Variants in FAM120A observed in about 807,000 individuals in gnomAD.
FAM120A encodes the protein family with sequence similarity 120 member A, also known as constitutive coactivator of PPAR-gamma-like protein 1.
FAM120A carries 15 observed loss-of-function variants against 109.7 expected under a neutral mutation model. The observed-to-expected ratio is 0.14, with a 90% CI of 0.09 to 0.21. FAM120A has a LOEUF of 0.21. FAM120A is among the 10% of genes least tolerant of loss of function. FAM120A has a pLI of 1.00. For synonymous variants in FAM120A, 493 were observed against 572.8 expected (o/e 0.86, Z 1.99); for missense variants, 899 against 1,439.3 (o/e 0.62, Z 6.07).
At chr9:93,552,290 T>C (rs1173659741) in intron 12 of FAM120A, among the ~76,000 whole-genome samples, 1 of 152,200 alleles carries the variant, frequency 6.6e-6, no homozygotes, top group Non-Finnish European at 1.5e-5. Flanking sequence ...ACTCTAAGCT[T>C]TCATTTTGGT....
chr9:93,459,103 A>G lies in FAM120A; in HGVS notation c.474+6714A>G, dbSNP rs1190034656. On this transcript the variant is annotated intron_variant, in intron 1 of 17. Transcript: ENST00000277165. ...TACTTACACTTCAAAGCCCATGTCA[A>G]ATGCCAGCCTTCTTCATGGAATCTC... Among the ~76,000 whole-genome samples, 4 of 152,200 alleles carry G rather than the reference A, an allele frequency of 2.6e-5. No individual in the cohort carries two copies. The East Asian group carries it at 5.8e-4, about 22-fold the overall frequency.
At position 93,550,571 on chromosome 9, in the gene FAM120A, C is replaced by T. The variant is rs777010449; in HGVS notation, c.2160-6C>T. On this transcript the variant is annotated splice_polypyrimidine_tract_variant and splice_region_variant and intron_variant, in intron 11 of 17. Coordinates refer to ENST00000277165, the MANE Select transcript of FAM120A (RefSeq NM_014612.5). ...TCACCAACCTTTTGTTTCTGCCCCTCACCAGGTACATGGTGCAGTGGCCGG... is the reference window on the plus strand; with the variant it reads ...TCACCAACCTTTTGTTTCTGCCCCTTACCAGGTACATGGTGCAGTGGCCGG... 6.2e-7 allele frequency: 1 copy of T among 1,611,772 alleles called. No homozygotes were observed. Among genetic ancestry groups the T allele is most frequent in the Non-Finnish European group, 8.5e-7 (1 of 1,178,474 alleles).
At chr9:93,549,156 T>C (rs1471295308) in intron 11 of FAM120A, among the ~76,000 whole-genome samples, 1 of 152,216 alleles carries the variant, frequency 6.6e-6, no homozygotes, top group Non-Finnish European at 1.5e-5. Context: ...TCATTGCAAA[T>C]ATTGATGGTT....
intron 5 of FAM120A, among the ~76,000 whole-genome samples, chr9:93,511,056 A>G (rs1400972625): frequency 1.3e-5 from 2 of 151,564 alleles, no homozygotes; most frequent in South Asian, 2.1e-4. Flanking sequence ...AACCCTTTTC[A>G]TTGTTGAACT....
chr9:93,509,376 T>C (rs1030073904), intron 5 of FAM120A, among the ~76,000 whole-genome samples: 3 of 152,238 alleles, frequency 2.0e-5, no homozygotes, highest in Non-Finnish European at 4.4e-5. Flanking sequence ...GCCTGGGGGC[T>C]ATGAGCCGTA....
chr9:93,563,363 A>C (rs1416913768), intron 17 of FAM120A, among the ~76,000 whole-genome samples: 1 of 152,266 alleles, frequency 6.6e-6, no homozygotes, highest in East Asian at 1.9e-4. Context: ...AGTCTATGAC[A>C]GTGGCTCTCA....
chr9:93,452,943 C>T lies in FAM120A; in HGVS notation c.474+554C>T, dbSNP rs1366111077. 7.2e-7 allele frequency: 1 copy of T among 1,397,652 alleles called. No individual in the cohort carries two copies. The highest frequency in any genetic ancestry group is 9.2e-7 in the Non-Finnish European group (1 of 1,081,190). The allele number at this position is 1,397,652 out of a possible 1,614,324, so 86.6% of individuals were successfully genotyped here. A position where few individuals can be genotyped will look rare whatever the true frequency, so the allele number is the denominator to read the frequency against. ...CGAGACGTGTCTAAGGGCCAGTGCC[C>T]TGGCCTCTACTTCAGAACGCAGTGC... On this transcript the variant is annotated intron_variant, in intron 1 of 17. Transcript: ENST00000277165. The surrounding 1 kb of genome is among the most constrained non-coding windows in gnomAD (Gnocchi z 7.0).
chr9:93,457,816 T>A (rs1857617370), intron 1 of FAM120A, among the ~76,000 whole-genome samples: 1 of 148,778 alleles, frequency 6.7e-6, no homozygotes, highest in African/African-American at 2.4e-5. Flanking sequence ...TTTTTTTTTT[T>A]ACTTTAAAAT....
chr9:93,477,906 T>G (rs1488891235), intron 3 of FAM120A, among the ~76,000 whole-genome samples: 1 of 152,228 alleles, frequency 6.6e-6, no homozygotes, highest in African/African-American at 2.4e-5. Context: ...AGTATTGAAA[T>G]GTGGAAAGAA....
intron 3 of FAM120A, among the ~76,000 whole-genome samples, chr9:93,488,276 C>A (rs1859155493): frequency 6.6e-6 from 1 of 152,170 alleles, no homozygotes; most frequent in African/African-American, 2.4e-5. Flanking sequence ...CGCTTAACTT[C>A]CTTCTCTTTA....
At chr9:93,454,241 C>T (rs370349632) in intron 1 of FAM120A, among the ~76,000 whole-genome samples, 1 of 152,222 alleles carries the variant, frequency 6.6e-6, no homozygotes, top group Non-Finnish European at 1.5e-5. Context: ...TAATTATTGA[C>T]CTAGGGTCAT....
chr9:93,556,094 C>T (rs1564360552), intron 12 of FAM120A, among the ~76,000 whole-genome samples: 1 of 152,198 alleles, frequency 6.6e-6, no homozygotes, highest in Non-Finnish European at 1.5e-5. Context: ...CACACGTCAG[C>T]CTTAAGTACA....
At chr9:93,485,681 A>G (rs919916404) in intron 3 of FAM120A, among the ~76,000 whole-genome samples, 2 of 152,146 alleles carry the variant, frequency 1.3e-5, no homozygotes, top group South Asian at 4.1e-4. Context: ...TCTCTTGCTC[A>G]CAGGCCTTGT....
At chr9:93,545,576 T>C (rs115804935) in intron 11 of FAM120A, among the ~76,000 whole-genome samples, 3,607 of 152,220 alleles carry the variant, frequency 0.024, 152 homozygotes, top group African/African-American at 0.082. Flanking sequence ...TGACCATCCC[T>C]CCCACTGGGT....
intron 5 of FAM120A, among the ~76,000 whole-genome samples, chr9:93,504,186 G>A (rs1859932028): frequency 6.6e-6 from 1 of 152,114 alleles, no homozygotes; most frequent in Non-Finnish European, 1.5e-5. Context: ...TGAGTTAGGA[G>A]GACATAGTGA....
At chr9:93,481,497 T>G (rs148720713) in intron 3 of FAM120A, among the ~76,000 whole-genome samples, 2 of 152,344 alleles carry the variant, frequency 1.3e-5, no homozygotes, top group African/African-American at 4.8e-5. Flanking sequence ...AACATTTAAG[T>G]TGGACCTGTT....
chr9:93,525,822 A>G (rs982344044), intron 7 of FAM120A, among the ~76,000 whole-genome samples: 1 of 152,226 alleles, frequency 6.6e-6, no homozygotes, highest in Non-Finnish European at 1.5e-5. Context: ...GAGATTGTGC[A>G]TGAGCAGTGG....
rs759543710 is a variant in FAM120A at position 93,564,351 on chromosome 9, CGAG to C, written c.3172_3174del (p.Glu1058del). On this transcript the variant is annotated inframe_deletion, in exon 18 of 18. Transcript: ENST00000277165. Reference sequence around the variant, plus strand: ...CCCTGGCTGAAAACGGAGTGATGGCCGAGGAGAAGCCGGCTCCCCAGATGAACG... The same window carrying C: ...CCCTGGCTGAAAACGGAGTGATGGCCGAGAAGCCGGCTCCCCAGATGAACG... 3 of 1,614,072 alleles carry C rather than the reference CGAG, an allele frequency of 1.9e-6. No homozygotes were observed. Among genetic ancestry groups the C allele is most frequent in the Non-Finnish European group, 1.7e-6 (2 of 1,180,032 alleles).
chr9:93,526,629 C>T (rs1861094752), intron 7 of FAM120A, among the ~76,000 whole-genome samples: 1 of 152,172 alleles, frequency 6.6e-6, no homozygotes, highest in African/African-American at 2.4e-5. Context: ...TGTACCTTCC[C>T]TGTCTTTCAG....
Sources: gnomAD v4.1 joint callset for allele counts (sites outside exome capture counted in the v4.1 genomes callset) on GRCh38, gnomAD v4.1.1 for gene constraint, Gnocchi (gnomAD v3.1) non-coding constraint, MANE v1.5 for transcripts, NCBI Gene and HGNC (gene_info 2026-07-23, HGNC 2026-07-21) for gene names.